The following DR1 variants were observed in gnomAD, a reference collection of about 807,000 sequenced individuals.
DR1 encodes the protein protein Dr1.
DR1 carries 7 observed loss-of-function variants against 19.9 expected under a neutral mutation model. The ratio of observed to expected loss-of-function variants is 0.35; its 90% confidence interval spans 0.20 to 0.66. The LOEUF is 0.66. Among genes scored for constraint, DR1 ranks in the 30% least tolerant of loss-of-function variants. DR1 has a pLI of 0.66. For missense variants in DR1, 98 were observed against 203.7 expected, an observed-to-expected ratio of 0.48 and a Z score of 3.16; for synonymous variants, 76 against 72.5, an observed-to-expected ratio of 1.05 and a Z score of -0.24.
intron 2 of DR1, chr1:93,355,884 T>C (rs573286274): frequency 1.3e-5 from 2 of 152,318 alleles, no homozygotes; most frequent in African/African-American, 4.8e-5. Context: ...TTTTGTTTCA[T>C]TTTTTAGACT....
chr1:93,353,106 G>A lies in DR1; in HGVS notation c.221-802G>A, dbSNP rs563141430. Among the ~76,000 whole-genome samples the A allele has an allele frequency of 5.9e-5, 9 of 151,986 alleles. No homozygotes were observed. The East Asian group carries it at 1.2e-3, about 20-fold the overall frequency. ...GACGAGGTCTTGCCATGTTGCCCGC[G>A]GTGGTCTTGAACTCCTGGACTAAAG... On this transcript the variant is annotated intron_variant, in intron 1 of 2. Transcript: ENST00000370272.
At position 93,357,784 on chromosome 1, in the gene DR1, C is replaced by G. The variant is rs527362046; in HGVS notation, c.385-2709C>G. On this transcript the variant is annotated intron_variant, in intron 2 of 2. Coordinates refer to ENST00000370272, the MANE Select transcript of DR1 (RefSeq NM_001938.3). ...TAGCTTTTCTTCTTCCACTTCACTA[C>G]TGCCACCTACACCAGCACCACCCTA... 3.9e-5 allele frequency among the ~76,000 whole-genome samples: 6 copies of G among 152,218 alleles called. No individual in the cohort carries two copies. In the East Asian group the frequency reaches 1.2e-3, roughly 29 times the overall value.
Position 93,353,929 on chromosome 1 carries a change from G to A in DR1, c.242G>A (p.Gly81Asp), listed in dbSNP as rs753443505. The A allele has an allele frequency of 1.0e-5, 16 of 1,605,642 alleles. No homozygotes were observed. Among genetic ancestry groups the A allele is most frequent in the Non-Finnish European group, 1.4e-5 (16 of 1,176,346 alleles). ...VIQALESLGF[G>D]SYISEVKEVL... Reference sequence around the variant, plus strand: ...CTAGCACTAGAAAGTTTGGGATTTGGCTCTTACATCAGTGAAGTAAAAGAA... The same window carrying A: ...CTAGCACTAGAAAGTTTGGGATTTGACTCTTACATCAGTGAAGTAAAAGAA... The change falls in exon 2 of 3, where the codon GGC (glycine) becomes GAC (aspartate). Residue 81 changes from glycine (G) to aspartate (D), a missense_variant. By Grantham distance (94) the Gly-to-Asp change is moderately conservative (BLOSUM62 -1). Coordinates refer to ENST00000370272, the MANE Select transcript of DR1 (RefSeq NM_001938.3).
chr1:93,363,816 T>C lies in DR1; in HGVS notation c.*3177T>C, dbSNP rs1667088124. 6.6e-6 allele frequency: 1 copy of C among 152,254 alleles called. No individual in the cohort carries two copies. Among genetic ancestry groups the C allele is most frequent in the South Asian group, 2.1e-4 (1 of 4,836 alleles). 9.4% of individuals were successfully genotyped at this position (152,254 alleles called of 1,614,324 possible). A position where few individuals can be genotyped will look rare whatever the true frequency, so the allele number is the denominator to read the frequency against. On this transcript the variant is annotated 3_prime_UTR_variant, in exon 3 of 3. Coordinates refer to ENST00000370272, the MANE Select transcript of DR1 (RefSeq NM_001938.3). ...CCATTCTTATTGTTGCATGTATTTGTAGTTCATTCATTCTCATTGCTGTAT... is the reference window on the plus strand; with the variant it reads ...CCATTCTTATTGTTGCATGTATTTGCAGTTCATTCATTCTCATTGCTGTAT...
rs951727115 is a variant in DR1 at position 93,346,097 on chromosome 1, C to G, written c.-549C>G. ...GCCGTCGCCGTTCCAGCAGCGGCAG[C>G]GGCAGCGGCAGCGGCGGACATGTTG... is the stretch of plus-strand genomic sequence containing the variant. On this transcript the variant is annotated 5_prime_UTR_variant, in exon 1 of 3. Transcript: ENST00000370272. 9.6e-6 allele frequency: 2 copies of G among 208,636 alleles called. No homozygotes were observed. The highest frequency in any genetic ancestry group is 1.9e-5 in the Non-Finnish European group (2 of 105,118). 12.9% of individuals were successfully genotyped at this position (208,636 alleles called of 1,614,324 possible). A position where few individuals can be genotyped will look rare whatever the true frequency, so the allele number is the denominator to read the frequency against.
At chr1:93,348,694 A>G (rs988087525) in intron 1 of DR1, among the ~76,000 whole-genome samples, 2 of 152,248 alleles carry the variant, frequency 1.3e-5, no homozygotes, top group South Asian at 4.1e-4. Context: ...TCCATTGTGT[A>G]ATGAAGATGA....
chr1:93,365,770 A>G lies in DR1; in HGVS notation c.*5131A>G, dbSNP rs527288653. ...GAGACTCTTGACTTCACATCTGCTG[A>G]TCCCTTTACCCGATAGGACCTAGAG... On this transcript the variant is annotated 3_prime_UTR_variant, in exon 3 of 3. Coordinates refer to ENST00000370272, the MANE Select transcript of DR1 (RefSeq NM_001938.3). 3 of 152,268 alleles carry G rather than the reference A, an allele frequency of 2.0e-5. No individual in the cohort carries two copies. Among genetic ancestry groups the G allele is most frequent in the Admixed American group, 6.5e-5 (1 of 15,294 alleles). The allele number at this position is 152,268 out of a possible 1,614,324, so 9.4% of individuals were successfully genotyped here. A position where few individuals can be genotyped will look rare whatever the true frequency, so the allele number is the denominator to read the frequency against.
Position 93,362,203 on chromosome 1 carries a change from G to T in DR1, c.*1564G>T, listed in dbSNP as rs535400280. The T allele has an allele frequency of 5.9e-5, 9 of 152,484 alleles. No individual in the cohort carries two copies. The South Asian group carries it at 1.9e-3, about 32-fold the overall frequency. 9.4% of individuals were successfully genotyped at this position (152,484 alleles called of 1,614,324 possible). A position where few individuals can be genotyped will look rare whatever the true frequency, so the allele number is the denominator to read the frequency against. ...TATACTTCCCCCATGAAGTGAAAAGGTTAATTTTGCTGAATGTTTTAAGTT... is the reference window on the plus strand; with the variant it reads ...TATACTTCCCCCATGAAGTGAAAAGTTTAATTTTGCTGAATGTTTTAAGTT... On this transcript the variant is annotated 3_prime_UTR_variant, in exon 3 of 3. Transcript: ENST00000370272.
intron 2 of DR1, chr1:93,355,851 A>G (rs933266251): frequency 6.6e-6 from 1 of 152,218 alleles, no homozygotes; most frequent in African/African-American, 2.4e-5. Context: ...GGATAAGTAA[A>G]TATATCTTTT....
intron 2 of DR1, among the ~76,000 whole-genome samples, chr1:93,360,105 G>A (rs551282615): frequency 1.7e-3 from 254 of 152,076 alleles, no homozygotes; most frequent in Non-Finnish European, 2.9e-3. Context: ...GTAATATGAG[G>A]GTACAGAAGA....
rs10586913 is a variant in DR1 at position 93,367,149 on chromosome 1, CAAAAAAAA to C, written c.*6520_*6527del. On this transcript the variant is annotated 3_prime_UTR_variant, in exon 3 of 3. Transcript: ENST00000370272. ...TGGGTGACAGAATGAGACCCTGTCTCAAAAAAAAAAAAAAAAAGTAAAAATTATTTACC... is the reference window on the plus strand; with the variant it reads ...TGGGTGACAGAATGAGACCCTGTCTCAAAAAAAAAGTAAAAATTATTTACC... The C allele has an allele frequency of 7.7e-5, 11 of 142,146 alleles. No individual in the cohort carries two copies. Among genetic ancestry groups the C allele is most frequent in the Non-Finnish European group, 9.1e-5 (6 of 65,882 alleles). The allele number at this position is 142,146 out of a possible 1,614,324, so 8.8% of individuals were successfully genotyped here.
At position 93,368,177 on chromosome 1, in the gene DR1, A is replaced by G. The variant is rs1343758108; in HGVS notation, c.*7538A>G. 6.6e-6 allele frequency: 1 copy of G among 152,222 alleles called. No homozygotes were observed. Among genetic ancestry groups the G allele is most frequent in the African/African-American group, 2.4e-5 (1 of 41,448 alleles). 9.4% of individuals were successfully genotyped at this position (152,222 alleles called of 1,614,324 possible). A position where few individuals can be genotyped will look rare whatever the true frequency, so the allele number is the denominator to read the frequency against. ...TAGTCCAGTCATAGACTGGTAACAC[A>G]GGCACACCATTAAAAATAATAGACA... On this transcript the variant is annotated 3_prime_UTR_variant, in exon 3 of 3. Transcript: ENST00000370272.
chr1:93,363,404 G>T lies in DR1; in HGVS notation c.*2765G>T, dbSNP rs946489705. On this transcript the variant is annotated 3_prime_UTR_variant, in exon 3 of 3. Coordinates refer to ENST00000370272, the MANE Select transcript of DR1 (RefSeq NM_001938.3). ...ACAGATTTATTCTTTTATAGTCCTG[G>T]AGATCAGAAGTCCAAAAATCAGTTT... 6.6e-6 allele frequency: 1 copy of T among 152,074 alleles called. No homozygotes were observed. Among genetic ancestry groups the T allele is most frequent in the Non-Finnish European group, 1.5e-5 (1 of 68,020 alleles). 9.4% of individuals were successfully genotyped at this position (152,074 alleles called of 1,614,324 possible).
intron 2 of DR1, among the ~76,000 whole-genome samples, chr1:93,356,014 G>A (rs1666976213): frequency 6.6e-6 from 1 of 152,096 alleles, no homozygotes; most frequent in South Asian, 2.1e-4. Flanking sequence ...ATTTTAATAT[G>A]TGGGAGTGAG....
chr1:93,353,011 C>T (rs6695142), intron 1 of DR1, among the ~76,000 whole-genome samples: 13,101 of 151,574 alleles, frequency 0.086, 1,868 homozygotes, highest in African/African-American at 0.3. Context: ...CCTCTCACCT[C>T]AGCCTCCTGA....
rs1667191315 is a variant in DR1, at chr1:93,368,364, G to GT, written c.*7726dup. ...GTCACTAACATAGAAAGCAGTAGAG[G>GT]TGGAAGAGGGAGACTTGCCAGAATA... On this transcript the variant is annotated 3_prime_UTR_variant, in exon 3 of 3. Transcript: ENST00000370272. 1 of 152,208 alleles carries GT rather than the reference G, an allele frequency of 6.6e-6. No individual in the cohort carries two copies. Among genetic ancestry groups the GT allele is most frequent in the Non-Finnish European group, 1.5e-5 (1 of 68,046 alleles). The allele number at this position is 152,208 out of a possible 1,614,324, so 9.4% of individuals were successfully genotyped here.
In DR1 at chr1:93,369,187, A is replaced by G. The variant is rs1319937690; in HGVS notation, c.*8548A>G. The G allele has an allele frequency of 6.6e-6, 1 of 152,154 alleles. No individual in the cohort carries two copies. The highest frequency in any genetic ancestry group is 1.5e-5 in the Non-Finnish European group (1 of 68,016). The allele number at this position is 152,154 out of a possible 1,614,324, so 9.4% of individuals were successfully genotyped here. On this transcript the variant is annotated 3_prime_UTR_variant, in exon 3 of 3. Coordinates refer to ENST00000370272, the MANE Select transcript of DR1 (RefSeq NM_001938.3). ...TAACAAGTGAAGGATTTGAACCCCAATGTAAGTAATTATGAAAACTATTTT... is the reference window on the plus strand; with the variant it reads ...TAACAAGTGAAGGATTTGAACCCCAGTGTAAGTAATTATGAAAACTATTTT...
rs375495159 is a variant in DR1, at chr1:93,366,746, G to C, written c.*6107G>C. ...TGGCTGGACATGGTGGCTTACGCCT[G>C]TAATCTCAACACTGGGAAGTCGAGG... On this transcript the variant is annotated 3_prime_UTR_variant, in exon 3 of 3. Coordinates refer to ENST00000370272, the MANE Select transcript of DR1 (RefSeq NM_001938.3). 6.6e-6 allele frequency: 1 copy of C among 152,222 alleles called. No homozygotes were observed. The highest frequency in any genetic ancestry group is 1.5e-5 in the Non-Finnish European group (1 of 68,046). The allele number at this position is 152,222 out of a possible 1,614,324, so 9.4% of individuals were successfully genotyped here.
In DR1 at chr1:93,346,806, C is replaced by T; in HGVS notation, c.161C>T (p.Ala54Val). The change falls in exon 1 of 3, where the codon GCC (alanine) becomes GTC (valine). Residue 54 changes from alanine to valine, a missense_variant. Coordinates refer to ENST00000370272, the MANE Select transcript of DR1 (RefSeq NM_001938.3). Reference protein sequence around the residue: ...TEFIHLISSEANEICNKSEKK... With the variant: ...TEFIHLISSEVNEICNKSEKK... The stretch of plus-strand genomic sequence containing the variant: ...TTCATTCACCTTATATCTTCTGAAG[C>T]CAATGAGATTTGTAACAAATCGGAA... 1 of 1,614,000 alleles carries T rather than the reference C, an allele frequency of 6.2e-7. No individual in the cohort carries two copies. The highest frequency in any genetic ancestry group is 8.5e-7 in the Non-Finnish European group (1 of 1,179,976).
Sources: gnomAD v4.1 joint callset for allele counts (sites outside exome capture counted in the v4.1 genomes callset) on GRCh38, gnomAD v4.1.1 for gene constraint, MANE v1.5 for transcripts, NCBI Gene and HGNC (gene_info 2026-07-23, HGNC 2026-07-21) for gene names.